The following APPL1 variants were observed in gnomAD, a reference collection of about 807,000 sequenced individuals.
APPL1 encodes the protein DCC-interacting protein 13-alpha.
APPL1 carries 42 observed loss-of-function variants against 106.8 expected under a neutral mutation model. The ratio of observed to expected loss-of-function variants is 0.39; its 90% CI spans 0.31 to 0.51. The LOEUF (loss-of-function observed/expected upper bound fraction) is 0.51. Ranked by LOEUF, APPL1 falls within the 20% of genes least tolerant of loss-of-function variation. The pLI is 0.75. For missense variants in APPL1, 769 were observed against 858.2 expected (o/e 0.90, Z 1.30); for synonymous variants, 263 against 281.8 (o/e 0.93, Z 0.67).
At position 57,261,300 on chromosome 3, in the gene APPL1, T is replaced by A. The variant is rs191647233; in HGVS notation, c.1842+526T>A. Among the ~76,000 whole-genome samples, 17 of 152,382 alleles carry A rather than the reference T, an allele frequency of 1.1e-4. No homozygotes were observed. The South Asian group carries it at 2.3e-3, about 20-fold the overall frequency. On this transcript the variant is annotated intron_variant, in intron 19 of 21. Coordinates refer to ENST00000288266, the MANE Select transcript of APPL1 (RefSeq NM_012096.3). ...GTGAATGACATGATTTCATTCTTTT[T>A]ATGGCTGAATAGTACTCCATTGTGT...
At chr3:57,260,905 A>G in intron 19 of APPL1, 131 bp downstream of exon 19, 1 of 1,085,848 alleles carries the variant, frequency 9.2e-7, no homozygotes, top group East Asian at 2.7e-5. Context: ...CAATTTATAC[A>G]AATTTATGAG....
At chr3:57,244,438 G>A (rs2060762373) in intron 7 of APPL1, among the ~76,000 whole-genome samples, 2 of 152,176 alleles carry the variant, frequency 1.3e-5, no homozygotes, top group South Asian at 4.1e-4. Flanking sequence ...TTACAGGCTT[G>A]AGCCACCACA....
intron 12 of APPL1, among the ~76,000 whole-genome samples, chr3:57,253,159 C>G (rs972323986): frequency 1.1e-4 from 17 of 152,014 alleles, no homozygotes; most frequent in Non-Finnish European, 2.5e-4. Flanking sequence ...AGATTGTTTT[C>G]TATGCTAATT....
chr3:57,250,804 CTTTTTTT>C (rs71088045), intron 11 of APPL1, among the ~76,000 whole-genome samples: 1 of 110,286 alleles, frequency 9.1e-6, no homozygotes, highest in African/African-American at 3.2e-5. Flanking sequence ...AACTTTCTTT[CTTTTTTT>C]TTTTTTTTTT....
intron 9 of APPL1, among the ~76,000 whole-genome samples, chr3:57,247,804 A>G (rs575325130): frequency 6.6e-6 from 1 of 152,292 alleles, no homozygotes; most frequent in South Asian, 2.1e-4. Flanking sequence ...AGATTACTAA[A>G]TATTGTTTCC....
At chr3:57,235,690 G>C in intron 2 of APPL1, 26 bp downstream of exon 2, 1 of 1,544,992 alleles carries the variant, frequency 6.5e-7, no homozygotes. Context: ...CTAACTTGAT[G>C]CTTTTAAAAC....
Position 57,235,825 on chromosome 3 carries a change from A to G in APPL1, c.153+161A>G, listed in dbSNP as rs569388971. Among the ~76,000 whole-genome samples the G allele has an allele frequency of 5.3e-4, 81 of 152,328 alleles. No individual in the cohort carries two copies. The South Asian group carries it at 6.6e-3, about 12-fold the overall frequency. The stretch of plus-strand genomic sequence containing the variant: ...TTAATGAACATTGAGTGTATTACAG[A>G]ACTGACATTTCAACTACTAGTGTAC... On this transcript the variant is annotated intron_variant, in intron 2 of 21. Coordinates refer to ENST00000288266, the MANE Select transcript of APPL1 (RefSeq NM_012096.3).
At chr3:57,238,237 C>T in intron 4 of APPL1, 121 bp downstream of exon 4, 1 of 643,328 alleles carries the variant, frequency 1.6e-6, no homozygotes. Context: ...ACCTTAATTC[C>T]ACATCCTGGT....
rs1292127270 is a variant in APPL1, at chr3:57,228,576, C to T, written c.54+639C>T. Among the ~76,000 whole-genome samples the T allele has an allele frequency of 1.3e-5, 2 of 152,240 alleles. No homozygotes were observed. The highest frequency in any genetic ancestry group is 2.9e-5 in the Non-Finnish European group (2 of 68,048). On this transcript the variant is annotated intron_variant, in intron 1 of 21. Coordinates refer to ENST00000288266, the MANE Select transcript of APPL1 (RefSeq NM_012096.3). The surrounding 1 kb of genome is among the most constrained non-coding windows in gnomAD (Gnocchi z 4.6). Reference sequence around the variant, plus strand: ...GCCGCTCCGCGACTGCTGCGCTGCTCCCTGCAGACTTGGCCTTAATAAACT... The same window carrying T: ...GCCGCTCCGCGACTGCTGCGCTGCTTCCTGCAGACTTGGCCTTAATAAACT...
chr3:57,240,710 A>G (rs2060741241), intron 5 of APPL1, among the ~76,000 whole-genome samples, 158 bp downstream of exon 5: 1 of 152,242 alleles, frequency 6.6e-6, no homozygotes, highest in Admixed American at 6.5e-5. Context: ...CTAGATGTCA[A>G]ACTAGATATT....
intron 1 of APPL1, among the ~76,000 whole-genome samples, chr3:57,233,268 C>A (rs2060697996): frequency 6.6e-6 from 1 of 152,016 alleles, no homozygotes. Context: ...ACAATGGATA[C>A]CATCGTAGAT....
chr3:57,271,883 CTTTTGTTCCAT>C lies in APPL1; in HGVS notation c.*2198_*2208del, dbSNP rs1188725639. 6.6e-6 allele frequency: 1 copy of C among 152,084 alleles called. No individual in the cohort carries two copies. Among genetic ancestry groups the C allele is most frequent in the Non-Finnish European group, 1.5e-5 (1 of 68,026 alleles). 9.4% of individuals were successfully genotyped at this position (152,084 alleles called of 1,614,324 possible). A position where few individuals can be genotyped will look rare whatever the true frequency, so the allele number is the denominator to read the frequency against. The stretch of plus-strand genomic sequence containing the variant: ...GGTTTAACAATTTTAGATGATTCAG[CTTTTGTTCCAT>C]TACTGTTGAACTATATGAACTATTC... On this transcript the variant is annotated 3_prime_UTR_variant, in exon 22 of 22. Coordinates refer to ENST00000288266, the MANE Select transcript of APPL1 (RefSeq NM_012096.3).
At chr3:57,250,837 T>G (rs1005802534) in intron 11 of APPL1, among the ~76,000 whole-genome samples, 3 of 135,722 alleles carry the variant, frequency 2.2e-5, no homozygotes, top group African/African-American at 7.9e-5. Context: ...AGACGGAGTC[T>G]CGCTCTGTCG....
intron 6 of APPL1, among the ~76,000 whole-genome samples, chr3:57,242,508 A>T (rs2060752113): frequency 6.6e-6 from 1 of 152,186 alleles, no homozygotes. Context: ...TCAAGCCACA[A>T]TCATAGCATA....
intron 21 of APPL1, 176 bp downstream of exon 21, chr3:57,268,663 TTTACA>T: frequency 3.6e-6 from 2 of 548,398 alleles, no homozygotes; most frequent in Non-Finnish European, 2.8e-6. Context: ...TGATATGATG[TTTACA>T]TTATAGTTAC....
chr3:57,260,911 A>G (rs1394611295), intron 19 of APPL1, 137 bp downstream of exon 19: 7 of 1,042,628 alleles, frequency 6.7e-6, no homozygotes, highest in Non-Finnish European at 9.2e-6. Context: ...ATACAAATTT[A>G]TGAGGCACAT....
intron 11 of APPL1, among the ~76,000 whole-genome samples, chr3:57,251,855 A>G (rs1264843361): frequency 6.6e-6 from 1 of 152,176 alleles, no homozygotes; most frequent in Non-Finnish European, 1.5e-5. Context: ...ACATTGAAAT[A>G]TTTGATTTAA....
At chr3:57,262,840 GTGTGTGTA>G (rs1319672249) in intron 19 of APPL1, among the ~76,000 whole-genome samples, 1 of 109,254 alleles carries the variant, frequency 9.2e-6, no homozygotes, top group African/African-American at 3.8e-5. Flanking sequence ...GTGTGTGTGT[GTGTGTGTA>G]TGCATTTTTT....
Position 57,270,710 on chromosome 3 carries a change from A to G in APPL1, c.*1023A>G, listed in dbSNP as rs1459838492. On this transcript the variant is annotated 3_prime_UTR_variant, in exon 22 of 22. Transcript: ENST00000288266. Reference sequence around the variant, plus strand: ...TCATAATGCCATGTTTTGATAAAGTACTGAATCACCACTTTATATCCACAA... The same window carrying G: ...TCATAATGCCATGTTTTGATAAAGTGCTGAATCACCACTTTATATCCACAA... 6.6e-6 allele frequency: 1 copy of G among 152,620 alleles called. No individual in the cohort carries two copies. The highest frequency in any genetic ancestry group is 1.9e-4 in the East Asian group (1 of 5,204). The allele number at this position is 152,620 out of a possible 1,614,324, so 9.5% of individuals were successfully genotyped here.
Sources: allele counts gnomAD v4.1 joint callset (sites outside exome capture counted in the v4.1 genomes callset), GRCh38; gene constraint gnomAD v4.1.1; non-coding constraint Gnocchi (gnomAD v3.1); transcripts MANE v1.5; gene names NCBI Gene and HGNC (gene_info 2026-07-23, HGNC 2026-07-21).